TREML4: variants seen among roughly 807,000 people sequenced by gnomAD.
TREML4 encodes trem-like transcript 4 protein.
A neutral mutation model predicts 25.4 loss-of-function variants in TREML4; 25 were observed. The ratio of observed to expected loss-of-function variants is 0.98; its 90% CI spans 0.72 to 1.37. The LOEUF (loss-of-function observed/expected upper bound fraction) is 1.37. Among genes scored for constraint, TREML4 ranks in the 40% most tolerant of loss-of-function variants. The pLI is 0.00. For synonymous variants in TREML4, 92 were observed against 87.9 expected, an observed-to-expected ratio of 1.05 and a Z score of -0.26; for missense variants, 268 against 236.5, an observed-to-expected ratio of 1.13 and a Z score of -0.87.
At chr6:41,233,445 A>G (rs1766838634) in intron 4 of TREML4, among the ~76,000 whole-genome samples, 1 of 152,210 alleles carries the variant, frequency 6.6e-6, no homozygotes, top group Non-Finnish European at 1.5e-5. Context: ...CACTCTTAAT[A>G]TGGAACAAAA....
At chr6:41,229,465 A>C in intron 2 of TREML4, 56 bp from the exon 3 acceptor site, 1 of 1,588,952 alleles carries the variant, frequency 6.3e-7, no homozygotes, top group Non-Finnish European at 8.6e-7. Flanking sequence ...TATGGGGTAG[A>C]CCCTACTCTC....
In TREML4 at chr6:41,228,835, G is replaced by C; in HGVS notation, c.185G>C (p.Arg62Pro). Residue 62 changes from arginine to proline, a missense_variant, in exon 2 of 6, where the codon CGG becomes CCG. Transcript: ENST00000341495. ...KSWCQQTSPSRCTLLVTSSKP... is the reference protein window; with the variant it reads ...KSWCQQTSPSPCTLLVTSSKP... Reference sequence around the variant, plus strand: ...TGGTGTCAGCAGACATCTCCAAGTCGGTGTACCTTACTTGTCACCAGCTCC... The same window carrying C: ...TGGTGTCAGCAGACATCTCCAAGTCCGTGTACCTTACTTGTCACCAGCTCC... The C allele has an allele frequency of 6.2e-7, 1 of 1,614,112 alleles. No individual in the cohort carries two copies. The highest frequency in any genetic ancestry group is 8.5e-7 in the Non-Finnish European group (1 of 1,179,998).
Position 41,228,448 on chromosome 6 carries a change from C to T in TREML4, c.21C>T (p.His7=), listed in dbSNP as rs1284575345. 1.2e-6 allele frequency: 2 copies of T among 1,612,684 alleles called. No individual in the cohort carries two copies. Among genetic ancestry groups the T allele is most frequent in the East Asian group, 2.2e-5 (1 of 44,872 alleles). ...CTGGAATGGCCTGGGGTGGGGTCCA[C>T]ACCTGCTGCTTCCACCTGTGCTGCT... The part of the protein sequence containing the change: MAWGGV[H]TCCFHLCCCC... The change falls in exon 1 of 6, where the codon CAC becomes CAT. Residue 7 remains histidine, a synonymous_variant. Transcript: ENST00000341495.
In TREML4 at chr6:41,238,495, G is replaced by T. The variant is rs1322207304; in HGVS notation, c.*1476G>T. 6.6e-6 allele frequency: 1 copy of T among 152,156 alleles called. No homozygotes were observed. The highest frequency in any genetic ancestry group is 2.4e-5 in the African/African-American group (1 of 41,438). 9.4% of individuals were successfully genotyped at this position (152,156 alleles called of 1,614,324 possible). A position where few individuals can be genotyped will look rare whatever the true frequency, so the allele number is the denominator to read the frequency against. On this transcript the variant is annotated 3_prime_UTR_variant, in exon 6 of 6. Coordinates refer to ENST00000341495, the MANE Select transcript of TREML4 (RefSeq NM_198153.3). ...CACAGTGCATCATTCCGAACCCAGG[G>T]TGCATGTGCTTTTTTGCCTTCACTT...
chr6:41,231,540 C>T (rs938778670), intron 4 of TREML4, among the ~76,000 whole-genome samples: 1 of 152,076 alleles, frequency 6.6e-6, no homozygotes, highest in Non-Finnish European at 1.5e-5. Context: ...ACTCTAGGTA[C>T]CTATGATCAG....
intron 1 of TREML4, 111 bp from the exon 2 acceptor site, chr6:41,228,603 T>C: frequency 5.4e-6 from 8 of 1,473,822 alleles, no homozygotes; most frequent in Non-Finnish European, 7.4e-6. Context: ...CCCTCTTCCA[T>C]GTGTGGGCAT....
chr6:41,236,956 G>A (rs1766916859), intron 5 of TREML4, 99 bp from the exon 6 acceptor site: 1 of 177,442 alleles, frequency 5.6e-6, no homozygotes, highest in Admixed American at 5.8e-5. Context: ...GCGGGGGAGG[G>A]GCGGGAAGAG....
chr6:41,233,387 G>A (rs986153959), intron 4 of TREML4, among the ~76,000 whole-genome samples: 1 of 152,052 alleles, frequency 6.6e-6, no homozygotes, highest in Non-Finnish European at 1.5e-5. Flanking sequence ...AAGGTTAAAA[G>A]TTAGAAAAAT....
intron 4 of TREML4, chr6:41,231,202 T>C (rs913148960): frequency 6.9e-6 from 2 of 289,756 alleles, no homozygotes; most frequent in Non-Finnish European, 1.5e-5. Flanking sequence ...GCACAATAAA[T>C]ATAATGTGCT....
At position 41,230,083 on chromosome 6, in the gene TREML4, G is replaced by A. The variant is rs754062145; in HGVS notation, c.467G>A (p.Gly156Glu). ...TTAGTTCTGATCACTTCTCCAGAGG[G>A]GACCTCTGGCCATCCCTCCATCAAT... Reference protein sequence around the residue: ...TSTVLITSPEGTSGHPSINGS... With the variant: ...TSTVLITSPEETSGHPSINGS... The change falls in exon 4 of 6, where the codon GGG becomes GAG. Residue 156 changes from glycine to glutamate, a missense_variant. Physicochemically the swap from Gly to Glu is moderately conservative, Grantham distance 98. Transcript: ENST00000341495. 2.5e-6 allele frequency: 4 copies of A among 1,611,498 alleles called. No homozygotes were observed. Among genetic ancestry groups the A allele is most frequent in the African/African-American group, 2.7e-5 (2 of 74,882 alleles).
intron 4 of TREML4, among the ~76,000 whole-genome samples, chr6:41,235,666 T>C (rs1435456328): frequency 6.6e-6 from 1 of 152,144 alleles, no homozygotes; most frequent in African/African-American, 2.4e-5. Context: ...TCTGAATAAA[T>C]AGAAACAATC....
chr6:41,231,208 G>A (rs1425037419), intron 4 of TREML4: 28 of 282,016 alleles, frequency 9.9e-5, no homozygotes, highest in South Asian at 7.8e-4. Context: ...TAAATATAAT[G>A]TGCTTTAATC....
At chr6:41,236,353 C>A in intron 4 of TREML4, 133 bp from the exon 5 acceptor site, 3 of 684,152 alleles carry the variant, frequency 4.4e-6, no homozygotes, top group Non-Finnish European at 7.8e-6. Context: ...GCCCCACACC[C>A]CTCTGTCATC....
Position 41,228,754 on chromosome 6 carries a change from C to T in TREML4, c.104C>T (p.Thr35Ile), listed in dbSNP as rs141778511. The change falls in exon 2 of 6, where the codon ACC becomes ATC. Residue 35 changes from threonine to isoleucine, a missense_variant. By Grantham distance (89) the Thr-to-Ile change is moderately conservative (BLOSUM62 -1). Transcript: ENST00000341495. ...PEELHKHPGQTLLLQCQYSPK... is the reference protein window; with the variant it reads ...PEELHKHPGQILLLQCQYSPK... ...GAACTTCACAAACACCCAGGACAGA[C>T]CCTCCTCCTGCAATGCCAGTACTCA... 9.9e-6 allele frequency: 16 copies of T among 1,614,018 alleles called. No individual in the cohort carries two copies. The East Asian group carries it at 3.1e-4, about 31-fold the overall frequency.
chr6:41,236,401 A>T, intron 4 of TREML4, 85 bp from the exon 5 acceptor site: 1 of 1,181,682 alleles, frequency 8.5e-7, no homozygotes, highest in Non-Finnish European at 1.3e-6. Flanking sequence ...CTCCAGCTAC[A>T]AGGGGCCTGC....
At position 41,230,052 on chromosome 6, in the gene TREML4, T is replaced by G; in HGVS notation, c.446-10T>G. On this transcript the variant is annotated splice_polypyrimidine_tract_variant and intron_variant, in intron 3 of 5. Coordinates refer to ENST00000341495, the MANE Select transcript of TREML4 (RefSeq NM_198153.3). ...CTGGGCAGCCACTGTCTTCTTTGTG[T>G]CCTCTTTAGTTCTGATCACTTCTCC... is the stretch of plus-strand genomic sequence containing the variant. The G allele has an allele frequency of 6.2e-7, 1 of 1,608,368 alleles. No homozygotes were observed. Among genetic ancestry groups the G allele is most frequent in the Non-Finnish European group, 8.5e-7 (1 of 1,174,706 alleles).
rs1766906144 is a variant in TREML4, at chr6:41,236,533, T to C, written c.554T>C (p.Leu185Pro). The change falls in exon 5 of 6, where the codon CTG (leucine) becomes CCG (proline). Residue 185 changes from leucine to proline, a missense_variant. Physicochemically the swap from Leu to Pro is moderately conservative, Grantham distance 98. Coordinates refer to ENST00000341495, the MANE Select transcript of TREML4 (RefSeq NM_198153.3). Reference protein sequence around the residue: ...ACLGSGGPRFLVLVLCGLLLA... With the variant: ...ACLGSGGPRFPVLVLCGLLLA... ...CTTGGCTCAGGTGGCCCCAGATTCC[T>C]GGTCTTGGTGCTATGTGGACTCCTC... 1.2e-6 allele frequency: 2 copies of C among 1,614,144 alleles called. No individual in the cohort carries two copies. Among genetic ancestry groups the C allele is most frequent in the Admixed American group, 1.7e-5 (1 of 60,032 alleles).
At chr6:41,234,960 G>A (rs555305402) in intron 4 of TREML4, among the ~76,000 whole-genome samples, 2 of 151,914 alleles carry the variant, frequency 1.3e-5, no homozygotes, top group South Asian at 2.1e-4. Flanking sequence ...TGCACATGGG[G>A]TCCATTCCCT....
intron 2 of TREML4, 62 bp downstream of exon 2, chr6:41,229,106 A>T: frequency 7.1e-7 from 1 of 1,415,098 alleles, no homozygotes; most frequent in Non-Finnish European, 9.8e-7. Flanking sequence ...AGGAAATGTC[A>T]TGCACCCCCT....
Sources: allele counts gnomAD v4.1 joint callset (sites outside exome capture counted in the v4.1 genomes callset), GRCh38; gene constraint gnomAD v4.1.1; transcripts MANE v1.5; gene names NCBI Gene and HGNC (gene_info 2026-07-23, HGNC 2026-07-21).